RGS7: variants seen among roughly 807,000 people sequenced by gnomAD.
RGS7 encodes the protein regulator of G-protein signaling 7.
RGS7 carries 27 observed loss-of-function variants against 81.1 expected under a neutral mutation model. That is an observed-to-expected ratio of 0.33 (90% CI 0.25 to 0.46). The LOEUF is 0.46. Among genes scored for constraint, RGS7 ranks in the 20% least tolerant of loss-of-function variants. RGS7 has a pLI of 1.00. For synonymous variants in RGS7, 208 were observed against 207.7 expected, an observed-to-expected ratio of 1.00 and a Z score of -0.01; for missense variants, 396 against 607.4, an observed-to-expected ratio of 0.65 and a Z score of 3.66.
chr1:241,036,316 C>T (rs558089407), intron 3 of RGS7, among the ~76,000 whole-genome samples: 1 of 152,220 alleles, frequency 6.6e-6, no homozygotes, highest in African/African-American at 2.4e-5. Context: ...GAAAGAAACA[C>T]AAGTATAGAA....
At chr1:240,815,315 C>G (rs1690623811) in intron 11 of RGS7, among the ~76,000 whole-genome samples, 1 of 152,064 alleles carries the variant, frequency 6.6e-6, no homozygotes, top group Admixed American at 6.5e-5. Context: ...GCACTCCAGC[C>G]TGGGTGACAG....
At chr1:241,089,397 GA>G (rs2063725350) in intron 3 of RGS7, among the ~76,000 whole-genome samples, 1 of 151,844 alleles carries the variant, frequency 6.6e-6, no homozygotes, top group Admixed American at 6.6e-5. Flanking sequence ...TTGAGAAACA[GA>G]AAGTGCATGA....
chr1:241,032,507 T>C (rs940698731), intron 3 of RGS7, among the ~76,000 whole-genome samples: 6 of 152,234 alleles, frequency 3.9e-5, no homozygotes, highest in Admixed American at 3.3e-4. Context: ...TTTCTAATTC[T>C]GTGGAAAATA....
chr1:241,047,380 C>T (rs570926375), intron 3 of RGS7, among the ~76,000 whole-genome samples: 6 of 152,208 alleles, frequency 3.9e-5, no homozygotes, highest in Admixed American at 2.0e-4. Context: ...TTGTCTTTCC[C>T]GGCTTCCTGG....
At chr1:241,213,613 T>C (rs960632128) in intron 2 of RGS7, among the ~76,000 whole-genome samples, 1 of 152,214 alleles carries the variant, frequency 6.6e-6, no homozygotes, top group Non-Finnish European at 1.5e-5. Flanking sequence ...CCACTTGATA[T>C]ATAATGTAAG....
chr1:240,869,244 C>T lies in RGS7; in HGVS notation c.451-392G>A, dbSNP rs146589316. ...CTACTACGCATGCAATCAGCCTATT[C>T]AGTTCCTGACAATACATGGCACACC... On this transcript the variant is annotated intron_variant, in intron 7 of 18. Transcript: ENST00000440928. 2.2e-3 allele frequency among the ~76,000 whole-genome samples: 332 copies of T among 152,268 alleles called. 3 individuals are homozygous for T. The highest frequency in any genetic ancestry group is 7.6e-3 in the African/African-American group (315 of 41,552).
chr1:240,848,973 A>G (rs1241344810), intron 9 of RGS7, among the ~76,000 whole-genome samples: 1 of 152,188 alleles, frequency 6.6e-6, no homozygotes, highest in African/African-American at 2.4e-5. Flanking sequence ...GATGGGCAGA[A>G]TGTGATATCT....
chr1:241,243,038 G>A (rs551818497), intron 2 of RGS7, among the ~76,000 whole-genome samples: 1 of 152,086 alleles, frequency 6.6e-6, no homozygotes, highest in East Asian at 1.9e-4. Flanking sequence ...GTTTTTGTGT[G>A]TGTCTTTTGT....
intron 9 of RGS7, among the ~76,000 whole-genome samples, chr1:240,846,773 G>T (rs1408546209): frequency 7.2e-5 from 11 of 152,146 alleles, no homozygotes; most frequent in Non-Finnish European, 1.0e-4. Flanking sequence ...ATGAGGTTTT[G>T]ACATGGGGCT....
intron 2 of RGS7, among the ~76,000 whole-genome samples, chr1:241,152,566 C>G (rs1056702219): frequency 2.0e-5 from 3 of 152,276 alleles, no homozygotes; most frequent in African/African-American, 7.2e-5. Context: ...TCAGTTGTAG[C>G]CAGCAATATT....
intron 10 of RGS7, among the ~76,000 whole-genome samples, chr1:240,820,894 C>G (rs187409973): frequency 2.0e-5 from 3 of 152,200 alleles, no homozygotes; most frequent in Admixed American, 2.0e-4. Flanking sequence ...GTACAAGAAG[C>G]CTTTCTGTGT....
intron 6 of RGS7, among the ~76,000 whole-genome samples, chr1:240,890,371 T>C (rs900225374): frequency 6.6e-6 from 1 of 152,194 alleles, no homozygotes; most frequent in African/African-American, 2.4e-5. Flanking sequence ...CCAAATGGTC[T>C]CGATCTCTTG....
At chr1:240,849,416 G>T (rs1230565953) in intron 9 of RGS7, among the ~76,000 whole-genome samples, 2 of 152,154 alleles carry the variant, frequency 1.3e-5, no homozygotes, top group Admixed American at 6.5e-5. Flanking sequence ...AGTCCTGGGG[G>T]AAATAAAACA....
chr1:241,047,733 C>CTTTTTTTTTTTTTTTTTTTTTT (rs34738551), intron 3 of RGS7, among the ~76,000 whole-genome samples: 1 of 89,512 alleles, frequency 1.1e-5, no homozygotes, highest in South Asian at 4.2e-4. Context: ...GTTTACAATC[C>CTTTTTTTTTTTTTTTTTTTTTT]TTTTTTTTTT....
At chr1:241,291,246 G>A (rs1325379607) in intron 2 of RGS7, among the ~76,000 whole-genome samples, 1 of 152,182 alleles carries the variant, frequency 6.6e-6, no homozygotes. Flanking sequence ...ACTTCATGAA[G>A]AGACCATTTT....
chr1:240,789,240 A>G (rs1685559220), intron 18 of RGS7, among the ~76,000 whole-genome samples: 1 of 152,168 alleles, frequency 6.6e-6, no homozygotes, highest in Admixed American at 6.5e-5. Context: ...TCTTTACTTT[A>G]ATCTCTTAAT....
At chr1:241,293,884 G>A (rs11808456) in intron 2 of RGS7, among the ~76,000 whole-genome samples, 14,036 of 152,182 alleles carry the variant, frequency 0.092, 817 homozygotes, top group South Asian at 0.17. Context: ...ACAGTGTGGC[G>A]ATTCCTCAAG....
intron 2 of RGS7, among the ~76,000 whole-genome samples, chr1:241,273,818 T>C (rs908894940): frequency 2.0e-4 from 31 of 152,190 alleles, no homozygotes; most frequent in Admixed American, 4.6e-4. Context: ...GGTAAATTAG[T>C]TCAGCAAAGC....
chr1:241,213,867 C>A (rs1025574445), intron 2 of RGS7, among the ~76,000 whole-genome samples: 1 of 152,118 alleles, frequency 6.6e-6, no homozygotes, highest in African/African-American at 2.4e-5. Flanking sequence ...CAAGCTTAAG[C>A]GATCCTCCCA....
Sources: allele counts gnomAD v4.1 joint callset (sites outside exome capture counted in the v4.1 genomes callset), GRCh38; gene constraint gnomAD v4.1.1; transcripts MANE v1.5; gene names NCBI Gene and HGNC (gene_info 2026-07-23, HGNC 2026-07-21).